The following AKAP14 variants were observed in gnomAD, a reference collection of about 807,000 sequenced individuals.
AKAP14 encodes A-kinase anchoring protein 14.
AKAP14 carries 4 observed loss-of-function variants against 17.0 expected under a neutral mutation model. The observed-to-expected ratio is 0.23, with a 90% CI of 0.12 to 0.54. The LOEUF is 0.54. Among genes scored for constraint, AKAP14 ranks in the 20% least tolerant of loss-of-function variants. The pLI is 0.95. For missense variants in AKAP14, 129 were observed against 150.9 expected (o/e 0.85, Z 0.76); for synonymous variants, 42 against 51.3 (o/e 0.82, Z 0.77).
At chrX:119,920,182 G>C (rs756660016) in intron 6 of AKAP14, among the ~76,000 whole-genome samples, 1 of 111,650 alleles carries the variant, frequency 9.0e-6, no homozygotes, top group African/African-American at 3.2e-5. Flanking sequence ...TTGCTGGAGT[G>C]GGGTGGAGGC....
At chrX:119,917,640 T>C (rs1261712129) in intron 5 of AKAP14, among the ~76,000 whole-genome samples, 1 of 102,997 alleles carries the variant, frequency 9.7e-6, no homozygotes, top group Non-Finnish European at 2.0e-5. Flanking sequence ...TATAGCCGGG[T>C]CTGGTGGCTC....
chrX:119,915,553 T>A (rs1318097077), intron 5 of AKAP14, among the ~76,000 whole-genome samples: 2 of 112,020 alleles, frequency 1.8e-5, no homozygotes, highest in African/African-American at 6.5e-5. Flanking sequence ...TTGCCCAGGC[T>A]GGAGTGCAGT....
chrX:119,910,917 C>A (rs996763013), intron 4 of AKAP14, among the ~76,000 whole-genome samples: 21 of 108,632 alleles, frequency 1.9e-4, no homozygotes, highest in Non-Finnish European at 3.3e-4. Context: ...CCTCCTCGGC[C>A]TCCCAAAGTG....
chrX:119,895,899 A>G lies in AKAP14; in HGVS notation c.-212A>G, dbSNP rs2056524519. The G allele has an allele frequency of 1.8e-5, 2 of 111,633 alleles. No individual in the cohort carries two copies. The highest frequency in any genetic ancestry group is 1.9e-4 in the Admixed American group (2 of 10,412). The allele number at this position is 111,633 out of a possible 1,213,427, so 9.2% of individuals were successfully genotyped here. A position where few individuals can be genotyped will look rare whatever the true frequency, so the allele number is the denominator to read the frequency against. On this transcript the variant is annotated 5_prime_UTR_variant, in exon 1 of 7. It removes an upstream start codon present in the reference 5' UTR. Coordinates refer to ENST00000371431, the MANE Select transcript of AKAP14 (RefSeq NM_178813.6). ...ACACAGTGACTGGCATATCATAGGG[A>G]TGCCCAATACATACCAGCTGTGAGG... is the stretch of plus-strand genomic sequence containing the variant.
intron 4 of AKAP14, among the ~76,000 whole-genome samples, chrX:119,904,863 C>G (rs745646885): frequency 9.3e-6 from 1 of 107,324 alleles, no homozygotes; most frequent in Admixed American, 1.0e-4. Context: ...CAATCCTGGG[C>G]GACAGAGCAA....
intron 4 of AKAP14, among the ~76,000 whole-genome samples, chrX:119,905,584 T>C (rs2056592985): frequency 9.0e-6 from 1 of 111,267 alleles, no homozygotes; most frequent in Non-Finnish European, 1.9e-5. Flanking sequence ...TGATTTATGG[T>C]TCAGCTCCCA....
At chrX:119,913,691 G>A (rs2056640708) in intron 4 of AKAP14, among the ~76,000 whole-genome samples, 2 of 111,298 alleles carry the variant, frequency 1.8e-5, no homozygotes, top group Non-Finnish European at 3.8e-5. Context: ...CAGGAGAATC[G>A]CTTGAACCCA....
At chrX:119,909,889 A>AG (rs1205247139) in intron 4 of AKAP14, among the ~76,000 whole-genome samples, 1 of 109,051 alleles carries the variant, frequency 9.2e-6, no homozygotes, top group African/African-American at 3.3e-5. Flanking sequence ...CGTCTCAAAA[A>AG]AAAAAAAAGG....
At chrX:119,896,425 G>A (rs1472746580) in intron 2 of AKAP14, among the ~76,000 whole-genome samples, 158 bp downstream of exon 2, 2 of 98,194 alleles carry the variant, frequency 2.0e-5, no homozygotes, top group African/African-American at 7.5e-5. Flanking sequence ...AGAGGGGAGG[G>A]GAGGGGAGGG....
chrX:119,914,358 T>C (rs944414556), intron 4 of AKAP14, among the ~76,000 whole-genome samples: 5 of 111,354 alleles, frequency 4.5e-5, no homozygotes, highest in African/African-American at 1.3e-4. Flanking sequence ...TCTTGCTCTG[T>C]CACCCAGGCT....
chrX:119,898,213 C>A (rs150132638), intron 2 of AKAP14, among the ~76,000 whole-genome samples: 4,519 of 111,339 alleles, frequency 0.041, 214 homozygotes, highest in African/African-American at 0.14. Flanking sequence ...TTAGGCCCAA[C>A]TACTCAGGAG....
At chrX:119,906,904 C>G (rs2147832117) in intron 4 of AKAP14, among the ~76,000 whole-genome samples, 1 of 111,461 alleles carries the variant, frequency 9.0e-6, no homozygotes, top group African/African-American at 3.2e-5. Flanking sequence ...TCCCAGGGTC[C>G]ACTACACATC....
At chrX:119,920,474 T>C (rs773657185) in intron 6 of AKAP14, 34 bp from the exon 7 acceptor site, 17 of 1,086,039 alleles carry the variant, frequency 1.6e-5, no homozygotes, top group Non-Finnish European at 2.2e-5. Context: ...GATTTAAAAA[T>C]ACTTTAAAAG....
chrX:119,902,633 A>G (rs912601168), intron 2 of AKAP14, among the ~76,000 whole-genome samples: 22 of 112,066 alleles, frequency 2.0e-4, no homozygotes, highest in African/African-American at 6.5e-4. Flanking sequence ...AGGCACTCCA[A>G]AGAAGTGCTA....
At chrX:119,899,332 C>A (rs1264941483) in intron 2 of AKAP14, among the ~76,000 whole-genome samples, 1 of 111,096 alleles carries the variant, frequency 9.0e-6, no homozygotes, top group Non-Finnish European at 1.9e-5. Flanking sequence ...CAGCAACAGG[C>A]CCTCTGTCTG....
chrX:119,906,225 C>CTTT (rs10637499), intron 4 of AKAP14, among the ~76,000 whole-genome samples: 1,223 of 50,873 alleles, frequency 0.024, 264 homozygotes, highest in African/African-American at 0.1. Flanking sequence ...CCTGGCATTT[C>CTTT]TTTTTTTTTT....
At chrX:119,919,890 A>C in intron 5 of AKAP14, 21 bp from the exon 6 acceptor site, 1 of 1,207,800 alleles carries the variant, frequency 8.3e-7, no homozygotes, top group Non-Finnish European at 1.1e-6. Context: ...CTGGGCTAAC[A>C]GTTGTCCTTC....
At chrX:119,903,835 A>G (rs1473124749) in intron 4 of AKAP14, among the ~76,000 whole-genome samples, 2 of 112,026 alleles carry the variant, frequency 1.8e-5, no homozygotes, top group African/African-American at 6.5e-5. Context: ...CCCTGGGAAA[A>G]TCTGCTCTTC....
intron 4 of AKAP14, 99 bp from the exon 5 acceptor site, chrX:119,914,600 G>A: frequency 1.2e-6 from 1 of 861,612 alleles, no homozygotes; most frequent in Non-Finnish European, 1.6e-6. Context: ...TGGGATTACA[G>A]GCATGAGCCA....
Sources: gnomAD v4.1 joint callset for allele counts (sites outside exome capture counted in the v4.1 genomes callset) on GRCh38, gnomAD v4.1.1 for gene constraint, MANE v1.5 for transcripts, NCBI Gene and HGNC (gene_info 2026-07-23, HGNC 2026-07-21) for gene names.